The following PTPRD variants were observed in gnomAD, a reference collection of about 807,000 sequenced individuals.
PTPRD encodes the protein receptor-type tyrosine-protein phosphatase delta.
Under a neutral mutation model 214.5 loss-of-function variants are expected in PTPRD, and 34 were observed. The observed-to-expected ratio is 0.16, with a 90% confidence interval of 0.12 to 0.21. The LOEUF (loss-of-function observed/expected upper bound fraction) is 0.21. Among genes scored for constraint, PTPRD ranks in the 10% least tolerant of loss-of-function variants. The pLI, the probability that PTPRD is intolerant of heterozygous loss-of-function variation, is 1.00. For synonymous variants in PTPRD, 1,128 were observed against 845.7 expected, an observed-to-expected ratio of 1.33 and a Z score of -5.79; for missense variants, 2,545 against 2,398.7, an observed-to-expected ratio of 1.06 and a Z score of -1.27.
chr9:9,271,680 G>C (rs1184684571), intron 9 of PTPRD, among the ~76,000 whole-genome samples: 1 of 151,358 alleles, frequency 6.6e-6, no homozygotes, highest in Non-Finnish European at 1.5e-5. Flanking sequence ...GGTTAAATAT[G>C]TTGGTATTTT....
At chr9:9,786,282 A>G (rs1307335696) in intron 5 of PTPRD, among the ~76,000 whole-genome samples, 1 of 152,218 alleles carries the variant, frequency 6.6e-6, no homozygotes, top group Non-Finnish European at 1.5e-5. Flanking sequence ...GCCTACTCTA[A>G]CCCATTATAA....
intron 2 of PTPRD, among the ~76,000 whole-genome samples, chr9:10,341,405 T>C (rs2096936777): frequency 6.6e-6 from 1 of 151,912 alleles, no homozygotes; most frequent in South Asian, 2.1e-4. Context: ...TATACAACTT[T>C]AATGATTGAA....
intron 37 of PTPRD, among the ~76,000 whole-genome samples, chr9:8,381,964 G>A (rs1019574221): frequency 9.2e-5 from 14 of 152,066 alleles, no homozygotes. Flanking sequence ...CTTCCCACAT[G>A]AGGTGGGTCC....
intron 3 of PTPRD, among the ~76,000 whole-genome samples, chr9:10,108,598 G>C (rs1005128952): frequency 2.6e-5 from 4 of 151,828 alleles, no homozygotes; most frequent in African/African-American, 7.3e-5. Context: ...ATATGATCCT[G>C]CAATCCTACT....
At chr9:9,540,845 G>C (rs776201938) in intron 8 of PTPRD, among the ~76,000 whole-genome samples, 6 of 151,690 alleles carry the variant, frequency 4.0e-5, no homozygotes, top group Non-Finnish European at 8.8e-5. Flanking sequence ...TGAAATATAA[G>C]TAGTGACATT....
chr9:9,497,433 G>C (rs1303835478), intron 8 of PTPRD, among the ~76,000 whole-genome samples: 1 of 152,068 alleles, frequency 6.6e-6, no homozygotes, highest in Non-Finnish European at 1.5e-5. Flanking sequence ...AGTTATTGCT[G>C]TTTTTAAATG....
chr9:8,986,108 G>C (rs2099344000), intron 11 of PTPRD, among the ~76,000 whole-genome samples: 1 of 152,050 alleles, frequency 6.6e-6, no homozygotes, highest in Non-Finnish European at 1.5e-5. Context: ...TTAGTGTGCA[G>C]TAATACCAAC....
At chr9:10,035,392 A>G (rs1275031331) in intron 3 of PTPRD, among the ~76,000 whole-genome samples, 1 of 151,962 alleles carries the variant, frequency 6.6e-6, no homozygotes, top group Non-Finnish European at 1.5e-5. Flanking sequence ...TAAGTCGTCT[A>G]TCTGTTGATA....
rs1425623058 is a variant in PTPRD at position 9,131,108 on chromosome 9, G to C, written c.-143+52196C>G. Among the ~76,000 whole-genome samples, 4 of 152,134 alleles carry C rather than the reference G, an allele frequency of 2.6e-5. No individual in the cohort carries two copies. In the East Asian group the frequency reaches 7.7e-4, roughly 29 times the overall value. ...GGAAAAGGGAAATAGAAAAGTTGAAGTTAGGAGTAAAAAGTTGAGAGAATA... is the reference window on the plus strand; with the variant it reads ...GGAAAAGGGAAATAGAAAAGTTGAACTTAGGAGTAAAAAGTTGAGAGAATA... On this transcript the variant is annotated intron_variant, in intron 10 of 45. Transcript: ENST00000381196.
intron 3 of PTPRD, among the ~76,000 whole-genome samples, chr9:10,284,441 T>A (rs1210925865): frequency 1.3e-5 from 2 of 152,228 alleles, no homozygotes; most frequent in Admixed American, 6.5e-5. Flanking sequence ...GTGCATATGA[T>A]ATAAAATTAT....
At chr9:9,464,104 C>T (rs1337632083) in intron 8 of PTPRD, among the ~76,000 whole-genome samples, 1 of 152,126 alleles carries the variant, frequency 6.6e-6, no homozygotes, top group Non-Finnish European at 1.5e-5. Context: ...TGAGTCTGAT[C>T]TCACTTCTCG....
At chr9:9,552,316 G>C (rs2080475703) in intron 8 of PTPRD, among the ~76,000 whole-genome samples, 2 of 151,888 alleles carry the variant, frequency 1.3e-5, no homozygotes, top group Non-Finnish European at 2.9e-5. Context: ...CATTGTTTTT[G>C]CTTTTGTTGG....
intron 11 of PTPRD, among the ~76,000 whole-genome samples, chr9:8,739,669 G>C (rs60482751): frequency 0.49 from 74,815 of 151,854 alleles, 19,139 homozygotes; most frequent in South Asian, 0.62. Context: ...GATTCACTGT[G>C]TTATGTGAGG....
At chr9:10,100,739 A>G (rs2098543826) in intron 3 of PTPRD, among the ~76,000 whole-genome samples, 1 of 151,694 alleles carries the variant, frequency 6.6e-6, no homozygotes, top group African/African-American at 2.4e-5. Context: ...CGTAAGTGTC[A>G]TGTTCTGTTC....
intron 2 of PTPRD, among the ~76,000 whole-genome samples, chr9:10,521,872 AT>A (rs2052432772): frequency 6.6e-6 from 1 of 152,176 alleles, no homozygotes; most frequent in Admixed American, 6.6e-5. Context: ...AGTCATAATC[AT>A]TATATGAAAT....
chr9:8,462,182 T>C (rs1386884737), intron 32 of PTPRD, among the ~76,000 whole-genome samples: 1 of 152,028 alleles, frequency 6.6e-6, no homozygotes, highest in Non-Finnish European at 1.5e-5. Context: ...CAGATCCTTC[T>C]TCCCTTCCTC....
chr9:9,153,814 G>A (rs998868835), intron 10 of PTPRD, among the ~76,000 whole-genome samples: 1 of 152,110 alleles, frequency 6.6e-6, no homozygotes, highest in Non-Finnish European at 1.5e-5. Flanking sequence ...GGGTAGAGGA[G>A]ACATAAATTT....
At chr9:9,283,232 G>T (rs972721336) in intron 9 of PTPRD, among the ~76,000 whole-genome samples, 1 of 151,382 alleles carries the variant, frequency 6.6e-6, no homozygotes, top group East Asian at 2.0e-4. Flanking sequence ...TTCTGTTAAG[G>T]TTATGCTAAT....
intron 11 of PTPRD, among the ~76,000 whole-genome samples, chr9:8,810,906 G>T (rs1371332603): frequency 6.6e-6 from 1 of 152,138 alleles, no homozygotes; most frequent in Non-Finnish European, 1.5e-5. Flanking sequence ...CCTTTCCCTT[G>T]TTGGCTATGA....
Sources: gnomAD v4.1 joint callset for allele counts (sites outside exome capture counted in the v4.1 genomes callset) on GRCh38, gnomAD v4.1.1 for gene constraint, MANE v1.5 for transcripts, NCBI Gene and HGNC (gene_info 2026-07-23, HGNC 2026-07-21) for gene names.